Variants in CAAP1 observed in about 807,000 individuals in gnomAD.
The protein encoded by CAAP1 is caspase activity and apoptosis inhibitor 1.
In CAAP1, 20 loss-of-function variants were observed where a neutral mutation model predicts 34.0. The ratio of observed to expected loss-of-function variants is 0.59; its 90% CI spans 0.41 to 0.86. CAAP1 has a LOEUF of 0.86. CAAP1 is among the 40% of genes least tolerant of loss of function. CAAP1 has a pLI of 0.00. For missense variants in CAAP1, 538 were observed against 450.5 expected (o/e 1.19, Z -1.76); for synonymous variants, 213 against 166.7 (o/e 1.28, Z -2.14).
At chr9:26,857,269 T>C (rs1383791838) in intron 5 of CAAP1, among the ~76,000 whole-genome samples, 1 of 152,220 alleles carries the variant, frequency 6.6e-6, no homozygotes, top group Non-Finnish European at 1.5e-5. Flanking sequence ...GCTACAGCTG[T>C]GCTAATGAGT....
chr9:26,857,857 T>A (rs951037738), intron 5 of CAAP1, among the ~76,000 whole-genome samples: 1 of 151,276 alleles, frequency 6.6e-6, no homozygotes, highest in Admixed American at 6.6e-5. Context: ...GCAACAAAGA[T>A]GAATGAAACC....
rs756404393 is a variant in CAAP1 at position 26,858,822 on chromosome 9, C to CAAA, written c.739+2241_739+2243dup. Among the ~76,000 whole-genome samples the CAAA allele has an allele frequency of 1.4e-3, 125 of 87,182 alleles. 2 individuals are homozygous for CAAA. Among genetic ancestry groups the CAAA allele is most frequent in the African/African-American group, 4.2e-3 (103 of 24,714 alleles). 57.2% of individuals were successfully genotyped at this position (87,182 alleles called of 152,430 possible). On this transcript the variant is annotated intron_variant, in intron 5 of 5. Coordinates refer to ENST00000333916, the MANE Select transcript of CAAP1 (RefSeq NM_024828.4). ...TGGGCGACAGAGGGAGGCTCCATCT[C>CAAA]AAAAAAAAAAAAAAAAGAAAAAGAA...
In CAAP1 at chr9:26,892,441, G is replaced by C. The variant is rs1823929467; in HGVS notation, c.275C>G (p.Ser92Cys). ...SERRKRRSTD[S>C]SSVSGSLQQE... The stretch of plus-strand genomic sequence containing the variant: ...CTGCAAGGAGCCCGAGACGCTGGAA[G>C]AGTCGGTACTCCTCCGCTTCCGGCG... Residue 92 changes from serine to cysteine, a missense_variant, in exon 1 of 6, where the codon TCT becomes TGT. Physicochemically the swap from Ser to Cys is moderately radical, Grantham distance 112. This residue lies in a region of CAAP1 where 514 missense variants were observed against 408.4 expected (regional missense o/e 1.26). Coordinates refer to ENST00000333916, the MANE Select transcript of CAAP1 (RefSeq NM_024828.4). The C allele has an allele frequency of 1.9e-6, 3 of 1,599,332 alleles. No homozygotes were observed. Among genetic ancestry groups the C allele is most frequent in the Non-Finnish European group, 2.6e-6 (3 of 1,174,850 alleles).
chr9:26,870,027 T>C (rs1371114402), intron 4 of CAAP1: 7 of 627,158 alleles, frequency 1.1e-5, no homozygotes, highest in African/African-American at 4.1e-5. Context: ...GTTTCTGTAA[T>C]AGAAAGAATA....
At chr9:26,848,686 T>C (rs1275046464) in intron 5 of CAAP1, among the ~76,000 whole-genome samples, 1 of 152,182 alleles carries the variant, frequency 6.6e-6, no homozygotes, top group Non-Finnish European at 1.5e-5. Flanking sequence ...AAAACAGTGG[T>C]ATTACATTTT....
rs566174453 is a variant in CAAP1, at chr9:26,873,823, G to A, written c.665+10987C>T. Among the ~76,000 whole-genome samples, 6 of 152,136 alleles carry A rather than the reference G, an allele frequency of 3.9e-5. No homozygotes were observed. In the East Asian group the frequency reaches 1.2e-3, roughly 29 times the overall value. The stretch of plus-strand genomic sequence containing the variant: ...AAAACTATACATGCTAAAGTTTTTA[G>A]ACAACCCGAAATAAAATATAAATTT... On this transcript the variant is annotated intron_variant, in intron 4 of 5. Transcript: ENST00000333916.
intron 4 of CAAP1, 48 bp downstream of exon 4, chr9:26,884,762 G>T (rs750829513): frequency 1.6e-6 from 2 of 1,267,618 alleles, no homozygotes; most frequent in Non-Finnish European, 2.3e-6. Flanking sequence ...AATCACCAAA[G>T]GAATAACAAA....
At chr9:26,884,929 T>C (rs748810162) in intron 3 of CAAP1, 44 bp from the exon 4 acceptor site, 4 of 1,335,162 alleles carry the variant, frequency 3.0e-6, no homozygotes, top group African/African-American at 1.4e-5. Flanking sequence ...TATAAAAACA[T>C]TAAAATGATG....
chr9:26,869,037 T>C (rs1823209170), intron 4 of CAAP1, among the ~76,000 whole-genome samples: 1 of 152,114 alleles, frequency 6.6e-6, no homozygotes, highest in African/African-American at 2.4e-5. Context: ...AAAAATTAGA[T>C]TTAAAATGTC....
intron 4 of CAAP1, chr9:26,869,984 G>GA (rs1236424397): frequency 6.1e-5 from 60 of 977,806 alleles, no homozygotes; most frequent in Non-Finnish European, 6.8e-5. Context: ...TTGACTGATG[G>GA]AAAAATGACA....
Position 26,856,506 on chromosome 9 carries a change from G to A in CAAP1, c.739+4560C>T, listed in dbSNP as rs1303518306. Among the ~76,000 whole-genome samples, 5 of 152,252 alleles carry A rather than the reference G, an allele frequency of 3.3e-5. 1 individual carries two copies. Among genetic ancestry groups the A allele is most frequent in the East Asian group, 1.9e-4 (1 of 5,190 alleles). On this transcript the variant is annotated intron_variant, in intron 5 of 5. Transcript: ENST00000333916. The stretch of plus-strand genomic sequence containing the variant: ...CTTCCTAAGTACAAACAATGCACTA[G>A]GCACTGGTCTTAAAACCTGACAGCT...
rs952166402 is a variant in CAAP1 at position 26,843,204 on chromosome 9, C to T, written c.740-557G>A. Among the ~76,000 whole-genome samples, 8 of 152,224 alleles carry T rather than the reference C, an allele frequency of 5.3e-5. No individual in the cohort carries two copies. In the East Asian group the frequency reaches 1.5e-3, roughly 29 times the overall value. On this transcript the variant is annotated intron_variant, in intron 5 of 5. Coordinates refer to ENST00000333916, the MANE Select transcript of CAAP1 (RefSeq NM_024828.4). ...TAAATTAAAGAAGAATGCCTAAGGC[C>T]ATTTTCTAAGGTAAAATTTGTTTTA... is the stretch of plus-strand genomic sequence containing the variant.
Position 26,884,793 on chromosome 9 carries a change from A to T in CAAP1, c.665+17T>A. 3 of 1,565,724 alleles carry T rather than the reference A, an allele frequency of 1.9e-6. No homozygotes were observed. The highest frequency in any genetic ancestry group is 2.6e-6 in the Non-Finnish European group (3 of 1,148,152). On this transcript the variant is annotated intron_variant, in intron 4 of 5. Coordinates refer to ENST00000333916, the MANE Select transcript of CAAP1 (RefSeq NM_024828.4). ...ACAAAGAAATTTTGAAATAAAAATGAAAGTTTTTAAACTTACTGACTGACT... is the reference window on the plus strand; with the variant it reads ...ACAAAGAAATTTTGAAATAAAAATGTAAGTTTTTAAACTTACTGACTGACT...
intron 2 of CAAP1, 74 bp downstream of exon 2, chr9:26,887,239 A>T: frequency 1.0e-6 from 1 of 964,350 alleles, no homozygotes; most frequent in Non-Finnish European, 1.5e-6. Flanking sequence ...AAACCGCATT[A>T]AGTAAAACAA....
At chr9:26,853,165 C>T (rs1379184518) in intron 5 of CAAP1, among the ~76,000 whole-genome samples, 1 of 152,018 alleles carries the variant, frequency 6.6e-6, no homozygotes, top group African/African-American at 2.4e-5. Context: ...AAGAGACTCC[C>T]GGGAGCATGG....
At chr9:26,847,196 A>ATTTTTTTTTT (rs79235459) in intron 5 of CAAP1, among the ~76,000 whole-genome samples, 3 of 63,004 alleles carry the variant, frequency 4.8e-5, no homozygotes, top group Non-Finnish European at 1.1e-4. Context: ...GTAAAAAGCA[A>ATTTTTTTTTT]TATTTTTTTT....
At chr9:26,847,335 C>G (rs1822641603) in intron 5 of CAAP1, among the ~76,000 whole-genome samples, 1 of 149,602 alleles carries the variant, frequency 6.7e-6, no homozygotes, top group Non-Finnish European at 1.5e-5. Context: ...CCGCCTCAGC[C>G]TCCCAAGTAG....
chr9:26,847,117 T>A lies in CAAP1; in HGVS notation c.740-4470A>T, dbSNP rs142598380. 1.7e-3 allele frequency among the ~76,000 whole-genome samples: 255 copies of A among 151,302 alleles called. 2 individuals carry two copies. The highest frequency in any genetic ancestry group is 6.1e-3 in the African/African-American group (251 of 41,330). On this transcript the variant is annotated intron_variant, in intron 5 of 5. Coordinates refer to ENST00000333916, the MANE Select transcript of CAAP1 (RefSeq NM_024828.4). ...TTGACTTAAAAATATATCTTGGTCA[T>A]TTTTTTTCATCTTAGCAATGTACTA...
intron 4 of CAAP1, chr9:26,880,428 C>T: frequency 4.1e-6 from 1 of 243,540 alleles, no homozygotes; most frequent in South Asian, 4.9e-5. Flanking sequence ...AGGCCTGTAA[C>T]AATGAGGTTT....
Sources: gnomAD v4.1 joint callset for allele counts (sites outside exome capture counted in the v4.1 genomes callset) on GRCh38, gnomAD v4.1.1 for gene constraint, gnomAD v4.1.1 regional missense constraint, MANE v1.5 for transcripts, NCBI Gene and HGNC (gene_info 2026-07-23, HGNC 2026-07-21) for gene names.